AUH: variants seen among roughly 807,000 people sequenced by gnomAD.
AUH encodes methylglutaconyl-CoA hydratase, mitochondrial.
Under a neutral mutation model 42.3 loss-of-function variants are expected in AUH, and 29 were observed. The ratio of observed to expected loss-of-function variants is 0.69; its 90% CI spans 0.51 to 0.93. AUH has a LOEUF of 0.93. Among genes scored for constraint, AUH ranks in the 40% least tolerant of loss-of-function variants. The pLI is 0.00. For synonymous variants in AUH, 174 were observed against 166.4 expected, an observed-to-expected ratio of 1.05 and a Z score of -0.35; for missense variants, 452 against 438.1, an observed-to-expected ratio of 1.03 and a Z score of -0.28.
rs546398696 is a variant in AUH at position 91,301,622 on chromosome 9, G to C, written c.506-3546C>G. ...CCTTGAGAAGCTTAACAATTCCAGG[G>C]CTTGTTTCCTTTTGTGCAGGCCCAC... On this transcript the variant is annotated intron_variant, in intron 4 of 9. Coordinates refer to ENST00000375731, the MANE Select transcript of AUH (RefSeq NM_001698.3). Among the ~76,000 whole-genome samples the C allele has an allele frequency of 7.2e-5, 11 of 152,278 alleles. No individual in the cohort carries two copies. In the East Asian group the frequency reaches 2.1e-3, roughly 29 times the overall value.
intron 7 of AUH, among the ~76,000 whole-genome samples, chr9:91,220,599 T>C (rs1410705081): frequency 6.6e-6 from 1 of 152,214 alleles, no homozygotes; most frequent in Non-Finnish European, 1.5e-5. Context: ...AATAAGACCC[T>C]TGGAGCATCT....
chr9:91,214,646 G>T (rs762453200), intron 9 of AUH, among the ~76,000 whole-genome samples: 13 of 152,018 alleles, frequency 8.6e-5, no homozygotes, highest in Admixed American at 2.0e-4. Flanking sequence ...AAGGTGGAAG[G>T]TTATTATCGA....
intron 4 of AUH, among the ~76,000 whole-genome samples, chr9:91,298,937 G>A (rs942994008): frequency 1.1e-4 from 16 of 152,140 alleles, no homozygotes; most frequent in African/African-American, 3.1e-4. Context: ...AGGTAATATC[G>A]GCCGGGCGCT....
At chr9:91,230,604 C>T (rs900161852) in intron 6 of AUH, among the ~76,000 whole-genome samples, 6 of 152,218 alleles carry the variant, frequency 3.9e-5, no homozygotes, top group Non-Finnish European at 7.3e-5. Context: ...TGAGGAGCTG[C>T]GTTCCTTTGG....
At chr9:91,264,682 C>T (rs763255412) in intron 6 of AUH, among the ~76,000 whole-genome samples, 12 of 152,008 alleles carry the variant, frequency 7.9e-5, no homozygotes, top group Non-Finnish European at 1.5e-4. Flanking sequence ...TTTGGGAGCC[C>T]ACGGCAGGAA....
chr9:91,356,192 G>A, intron 1 of AUH, 37 bp from the exon 2 acceptor site: 1 of 1,552,704 alleles, frequency 6.4e-7, no homozygotes, highest in Non-Finnish European at 8.9e-7. Context: ...GCACTTGAGT[G>A]AGCAAGGCAT....
intron 4 of AUH, among the ~76,000 whole-genome samples, chr9:91,299,000 C>T (rs775821160): frequency 6.6e-6 from 1 of 152,140 alleles, no homozygotes; most frequent in African/African-American, 2.4e-5. Context: ...GGGAGGATCA[C>T]CTGAGGTCAG....
chr9:91,361,532 G>T, intron 1 of AUH, 96 bp downstream of exon 1: 2 of 1,494,846 alleles, frequency 1.3e-6, no homozygotes, highest in South Asian at 2.6e-5. Context: ...GCCTGACCTC[G>T]ACCCCGCGTC....
At chr9:91,273,372 TC>T (rs1169334464) in intron 6 of AUH, among the ~76,000 whole-genome samples, 4 of 150,548 alleles carry the variant, frequency 2.7e-5, no homozygotes, top group East Asian at 1.9e-4. Flanking sequence ...AGAAAACTCT[TC>T]CAGGTATTCC....
intron 6 of AUH, among the ~76,000 whole-genome samples, chr9:91,287,048 A>C (rs888554016): frequency 6.6e-6 from 1 of 151,936 alleles, no homozygotes; most frequent in African/African-American, 2.4e-5. Context: ...AACACTCTAC[A>C]TAGAATTTTT....
intron 8 of AUH, 140 bp from the exon 9 acceptor site, chr9:91,216,246 C>T (rs1325241095): frequency 2.3e-6 from 2 of 860,308 alleles, no homozygotes; most frequent in East Asian, 2.6e-5. Context: ...GTGTGACCAA[C>T]ATGAGACACA....
At chr9:91,271,560 G>A (rs1486175264) in intron 6 of AUH, among the ~76,000 whole-genome samples, 2 of 152,182 alleles carry the variant, frequency 1.3e-5, no homozygotes, top group Admixed American at 1.3e-4. Context: ...ATGTAAGTGA[G>A]GAAAGAAGAC....
chr9:91,309,022 C>T (rs1828469938), intron 4 of AUH, among the ~76,000 whole-genome samples: 1 of 151,756 alleles, frequency 6.6e-6, no homozygotes, highest in East Asian at 2.0e-4. Flanking sequence ...GAACTCCTGA[C>T]CTCAGGTGAT....
chr9:91,219,541 T>C (rs954677825), intron 7 of AUH, among the ~76,000 whole-genome samples: 3 of 152,244 alleles, frequency 2.0e-5, no homozygotes, highest in African/African-American at 7.2e-5. Context: ...AAAATCTTTT[T>C]TTATTTGCTC....
chr9:91,291,319 G>C (rs1394601095), intron 6 of AUH, among the ~76,000 whole-genome samples: 1 of 152,022 alleles, frequency 6.6e-6, no homozygotes, highest in Non-Finnish European at 1.5e-5. Flanking sequence ...GGGGGGGTGG[G>C]GGTGGAGGCG....
chr9:91,255,303 T>C (rs1829350812), intron 6 of AUH, among the ~76,000 whole-genome samples: 1 of 152,210 alleles, frequency 6.6e-6, no homozygotes, highest in African/African-American at 2.4e-5. Context: ...ATACACTGAC[T>C]GTATCTTTTG....
intron 1 of AUH, among the ~76,000 whole-genome samples, chr9:91,356,990 G>T (rs1832458780): frequency 6.6e-6 from 1 of 152,172 alleles, no homozygotes; most frequent in African/African-American, 2.4e-5. Flanking sequence ...CTAAACTGAA[G>T]ACAACAAAAT....
chr9:91,292,396 A>G (rs1335987923), intron 6 of AUH, among the ~76,000 whole-genome samples: 2 of 150,616 alleles, frequency 1.3e-5, no homozygotes, highest in Non-Finnish European at 2.9e-5. Context: ...CTCCTGCCTC[A>G]GCCTCCCAGG....
intron 6 of AUH, among the ~76,000 whole-genome samples, chr9:91,259,892 T>C (rs960270680): frequency 6.6e-6 from 1 of 152,154 alleles, no homozygotes; most frequent in Non-Finnish European, 1.5e-5. Context: ...TGTTCTTCTG[T>C]TGAGTTCTCC....
Sources: allele counts gnomAD v4.1 joint callset (sites outside exome capture counted in the v4.1 genomes callset), GRCh38; gene constraint gnomAD v4.1.1; transcripts MANE v1.5; gene names NCBI Gene and HGNC (gene_info 2026-07-23, HGNC 2026-07-21).